The following C11orf54 variants were observed in gnomAD, a reference collection of about 807,000 sequenced individuals.
C11orf54 encodes the protein beta-keto L-gulonate decarboxylase.
C11orf54 carries 29 observed loss-of-function variants against 35.5 expected under a neutral mutation model. The ratio of observed to expected loss-of-function variants is 0.82; its 90% confidence interval spans 0.61 to 1.11. The LOEUF is 1.11. Ranked by LOEUF, C11orf54 falls within the 50% of genes most tolerant of loss-of-function variation. The pLI is 0.00. For synonymous variants in C11orf54, 108 were observed against 121.1 expected, an observed-to-expected ratio of 0.89 and a Z score of 0.71; for missense variants, 373 against 369.2, an observed-to-expected ratio of 1.01 and a Z score of -0.08.
At chr11:93,752,727 C>T (rs1299395087) in intron 3 of C11orf54, among the ~76,000 whole-genome samples, 1 of 148,540 alleles carries the variant, frequency 6.7e-6, no homozygotes, top group Non-Finnish European at 1.5e-5. Context: ...ATTTGTACAT[C>T]TCACCTAGAT....
chr11:93,750,742 CTG>C (rs1308540595), intron 3 of C11orf54, among the ~76,000 whole-genome samples: 12 of 152,172 alleles, frequency 7.9e-5, no homozygotes, highest in Non-Finnish European at 1.8e-4. Context: ...ATTGCTCAGA[CTG>C]TTATGGAAAC....
chr11:93,755,865 T>G (rs1943115342), intron 6 of C11orf54, among the ~76,000 whole-genome samples: 1 of 151,630 alleles, frequency 6.6e-6, no homozygotes, highest in Non-Finnish European at 1.5e-5. Context: ...TCTTTAAGGT[T>G]AAGAATAATA....
rs559810723 is a variant in C11orf54 at position 93,763,481 on chromosome 11, A to G, written c.*1793A>G. On this transcript the variant is annotated 3_prime_UTR_variant, in exon 9 of 9. Coordinates refer to ENST00000354421, the MANE Select transcript of C11orf54 (RefSeq NM_001286069.2). ...GACTGATAGCCAAGTTCAGTGGCTCACGCCTGTAATCCTAGTACTTAGGGA... is the reference window on the plus strand; with the variant it reads ...GACTGATAGCCAAGTTCAGTGGCTCGCGCCTGTAATCCTAGTACTTAGGGA... 3 of 152,192 alleles carry G rather than the reference A, an allele frequency of 2.0e-5. No homozygotes were observed. Among genetic ancestry groups the G allele is most frequent in the Non-Finnish European group, 4.4e-5 (3 of 68,042 alleles). The allele number at this position is 152,192 out of a possible 1,614,324, so 9.4% of individuals were successfully genotyped here.
Position 93,750,345 on chromosome 11 carries a change from G to A in C11orf54, c.56-1G>A, listed in dbSNP as rs2135601165. 1 of 1,611,792 alleles carries A rather than the reference G, an allele frequency of 6.2e-7. No individual in the cohort carries two copies. The highest frequency in any genetic ancestry group is 8.5e-7 in the Non-Finnish European group (1 of 1,178,468). The stretch of plus-strand genomic sequence containing the variant: ...ATAATCTTATTCCTTGTCTTTATTA[G>A]TTATGCAGAAGGGGTTAAAAGATAA... On this transcript the variant is annotated splice_acceptor_variant, in intron 2 of 8. Transcript: ENST00000354421. LOFTEE classifies it high-confidence loss of function.
intron 6 of C11orf54, 132 bp from the exon 7 acceptor site, chr11:93,757,184 A>G: frequency 1.1e-6 from 1 of 908,046 alleles, no homozygotes; most frequent in Non-Finnish European, 1.6e-6. Flanking sequence ...GGATTGCAAC[A>G]TCTCAACTCA....
At chr11:93,749,798 A>G (rs532596923) in intron 2 of C11orf54, among the ~76,000 whole-genome samples, 7 of 152,228 alleles carry the variant, frequency 4.6e-5, no homozygotes, top group Non-Finnish European at 1.0e-4. Flanking sequence ...GAATGTTAAC[A>G]ATAGTTACAC....
chr11:93,753,234 C>T (rs1308001096), intron 3 of C11orf54, among the ~76,000 whole-genome samples: 1 of 152,176 alleles, frequency 6.6e-6, no homozygotes, highest in Non-Finnish European at 1.5e-5. Flanking sequence ...GCCTCAGCCT[C>T]CCAAAGTGCT....
In C11orf54 at chr11:93,753,730, T is replaced by G; in HGVS notation, c.203T>G (p.Leu68Ter). 1 of 1,613,988 alleles carries G rather than the reference T, an allele frequency of 6.2e-7. No homozygotes were observed. The highest frequency in any genetic ancestry group is 1.1e-5 in the South Asian group (1 of 91,060). ...GCAGAAGTTGGAGGTGTGCCTTACT[T>G]ATTGCCTCTTGTAAACCAAAAAAAA... Reference protein sequence around the residue: ...RIAEVGGVPYLLPLVNQKKVY... With the variant: ...RIAEVGGVPY The change falls in exon 4 of 9, where the codon TTA becomes TGA. Residue 68 changes from leucine to a stop codon, truncating the protein, a stop_gained. Coordinates refer to ENST00000354421, the MANE Select transcript of C11orf54 (RefSeq NM_001286069.2). LOFTEE classifies it high-confidence loss of function.
At chr11:93,758,388 A>C (rs983514592) in intron 7 of C11orf54, among the ~76,000 whole-genome samples, 2 of 152,214 alleles carry the variant, frequency 1.3e-5, no homozygotes, top group Non-Finnish European at 2.9e-5. Context: ...CCGCGGCTGC[A>C]GACCTGGGTC....
Position 93,753,662 on chromosome 11 carries a change from G to A in C11orf54, c.155-20G>A, listed in dbSNP as rs1565266065. 1 of 1,611,874 alleles carries A rather than the reference G, an allele frequency of 6.2e-7. No homozygotes were observed. Among genetic ancestry groups the A allele is most frequent in the South Asian group, 1.1e-5 (1 of 90,962 alleles). On this transcript the variant is annotated intron_variant, in intron 3 of 8. Transcript: ENST00000354421. Reference sequence around the variant, plus strand: ...TGTTTTTAAGGTGGCTTGTGTTTTTGTTTTTTGGTTTTTTCTTAGGCATCT... The same window carrying A: ...TGTTTTTAAGGTGGCTTGTGTTTTTATTTTTTGGTTTTTTCTTAGGCATCT...
chr11:93,758,865 G>A (rs1399071407), intron 7 of C11orf54, among the ~76,000 whole-genome samples: 3 of 152,224 alleles, frequency 2.0e-5, no homozygotes, highest in African/African-American at 4.8e-5. Flanking sequence ...CCCCACTTTC[G>A]GGCCAGGGAA....
Position 93,753,656 on chromosome 11 carries a change from GTT to G in C11orf54, c.155-22_155-21del, listed in dbSNP as rs764468763. The G allele has an allele frequency of 5.6e-6, 9 of 1,608,808 alleles. No homozygotes were observed. In the East Asian group the frequency reaches 6.7e-5, roughly 12 times the overall value. On this transcript the variant is annotated intron_variant, in intron 3 of 8. Transcript: ENST00000354421. ...TTTGCCTGTTTTTAAGGTGGCTTGTGTTTTTGTTTTTTGGTTTTTTCTTAGGC... is the reference window on the plus strand; with the variant it reads ...TTTGCCTGTTTTTAAGGTGGCTTGTGTTTGTTTTTTGGTTTTTTCTTAGGC...
chr11:93,763,084 A>G lies in C11orf54; in HGVS notation c.*1396A>G, dbSNP rs531829594. The stretch of plus-strand genomic sequence containing the variant: ...AAATGAATAAAAAATTTAATTTATG[A>G]TATGTTTGTAATATCTTACCTCCAG... On this transcript the variant is annotated 3_prime_UTR_variant, in exon 9 of 9. Transcript: ENST00000354421. The G allele has an allele frequency of 6.6e-6, 1 of 152,320 alleles. No homozygotes were observed. Among genetic ancestry groups the G allele is most frequent in the East Asian group, 1.9e-4 (1 of 5,184 alleles). The allele number at this position is 152,320 out of a possible 1,614,324, so 9.4% of individuals were successfully genotyped here.
At chr11:93,754,157 A>G (rs1943001058) in intron 5 of C11orf54, 120 bp downstream of exon 5, 2 of 800,172 alleles carry the variant, frequency 2.5e-6, no homozygotes, top group East Asian at 2.6e-5. Flanking sequence ...CAGGTTTGAT[A>G]CTACTTGATG....
intron 1 of C11orf54, chr11:93,743,029 C>G (rs771797442): frequency 1.3e-5 from 2 of 151,622 alleles, no homozygotes; most frequent in Non-Finnish European, 2.9e-5. Context: ...AACAGAGTCT[C>G]GCTCTGTCGC....
rs778948483 is a variant in C11orf54, at chr11:93,755,227, G to C, written c.348G>C (p.Gln116His). 2 of 1,613,956 alleles carry C rather than the reference G, an allele frequency of 1.2e-6. No individual in the cohort carries two copies. The highest frequency in any genetic ancestry group is 4.5e-5 in the East Asian group (2 of 44,862). ...CTTTTCAGTTTATGCCAGTTATTCA[G>C]ACAGAAAGTGAACACAAGCCTCCTG... is the stretch of plus-strand genomic sequence containing the variant. ...GFNSEFMPVI[Q>H]TESEHKPPVN... The change falls in exon 6 of 9, where the codon CAG (glutamine) becomes CAC (histidine). Residue 116 changes from glutamine to histidine, a missense_variant. By Grantham distance (24) the Gln-to-His change is conservative (BLOSUM62 0). Transcript: ENST00000354421.
At chr11:93,749,720 T>A (rs1249336879) in intron 2 of C11orf54, among the ~76,000 whole-genome samples, 1 of 152,148 alleles carries the variant, frequency 6.6e-6, no homozygotes, top group African/African-American at 2.4e-5. Flanking sequence ...CACCTATGCT[T>A]TTTTACATTG....
rs866353945 is a variant in C11orf54 at position 93,754,009 on chromosome 11, C to T, written c.302C>T (p.Pro101Leu). The T allele has an allele frequency of 6.2e-7, 1 of 1,613,910 alleles. No individual in the cohort carries two copies. Among genetic ancestry groups the T allele is most frequent in the Non-Finnish European group, 8.5e-7 (1 of 1,179,970 alleles). The change falls in exon 5 of 9, where the codon CCA becomes CTA. Residue 101 changes from proline (P) to leucine (L), a missense_variant. Coordinates refer to ENST00000354421, the MANE Select transcript of C11orf54 (RefSeq NM_001286069.2). ...GAFILGAGAG[P>L]FQTLGFNSEF... Reference sequence around the variant, plus strand: ...TTTATTCTTGGAGCAGGAGCAGGTCCATTTCAGACTCTCGGGTTCAATTCT... The same window carrying T: ...TTTATTCTTGGAGCAGGAGCAGGTCTATTTCAGACTCTCGGGTTCAATTCT...
At chr11:93,743,981 A>G (rs1402945772) in intron 1 of C11orf54, among the ~76,000 whole-genome samples, 3 of 152,092 alleles carry the variant, frequency 2.0e-5, no homozygotes, top group Non-Finnish European at 2.9e-5. Flanking sequence ...CCCACCTCCA[A>G]CACACACATA....
Sources: allele counts gnomAD v4.1 joint callset (sites outside exome capture counted in the v4.1 genomes callset), GRCh38; gene constraint gnomAD v4.1.1; transcripts MANE v1.5; gene names NCBI Gene and HGNC (gene_info 2026-07-23, HGNC 2026-07-21).